BBOX1: variants seen among roughly 807,000 people sequenced by gnomAD.
BBOX1 encodes gamma-butyrobetaine dioxygenase.
Under a neutral mutation model 41.6 loss-of-function variants are expected in BBOX1, and 35 were observed. The ratio of observed to expected loss-of-function variants is 0.84; its 90% CI spans 0.64 to 1.11. The LOEUF (loss-of-function observed/expected upper bound fraction) is 1.11, where lower values mean the gene tolerates loss of function less well. Among genes scored for constraint, BBOX1 ranks in the 50% most tolerant of loss-of-function variants. The pLI is 0.00. For synonymous variants in BBOX1, 163 were observed against 154.7 expected (o/e 1.05, Z -0.40); for missense variants, 458 against 460.6 (o/e 0.99, Z 0.05).
intron 3 of BBOX1, 114 bp downstream of exon 3, chr11:27,055,763 A>C (rs1165125026): frequency 2.2e-6 from 2 of 920,082 alleles, no homozygotes; most frequent in African/African-American, 3.3e-5. Flanking sequence ...CCGCATATGA[A>C]CCCACGTTTG....
intron 5 of BBOX1, among the ~76,000 whole-genome samples, chr11:27,107,400 A>G (rs1351016614): frequency 1.3e-5 from 2 of 152,092 alleles, no homozygotes; most frequent in South Asian, 2.1e-4. Flanking sequence ...GGAAATACTT[A>G]TATTTGTTTA....
intron 5 of BBOX1, among the ~76,000 whole-genome samples, chr11:27,105,437 GT>G (rs1564982935): frequency 2.0e-5 from 3 of 152,062 alleles, no homozygotes; most frequent in African/African-American, 7.2e-5. Flanking sequence ...CGAGAACTAC[GT>G]GACGAATGCA....
chr11:27,057,955 C>A (rs932028928), intron 4 of BBOX1, among the ~76,000 whole-genome samples: 1 of 151,836 alleles, frequency 6.6e-6, no homozygotes, highest in Admixed American at 6.6e-5. Context: ...AGCAAAGAAG[C>A]AAAATAAATA....
chr11:27,099,503 G>A (rs1858566053), intron 5 of BBOX1, among the ~76,000 whole-genome samples: 1 of 151,976 alleles, frequency 6.6e-6, no homozygotes, highest in Non-Finnish European at 1.5e-5. Context: ...CTATATAACT[G>A]TTGAATAAAA....
chr11:27,106,145 T>C (rs1383192518), intron 5 of BBOX1, among the ~76,000 whole-genome samples: 1 of 151,840 alleles, frequency 6.6e-6, no homozygotes, highest in Non-Finnish European at 1.5e-5. Context: ...ACATGCACAA[T>C]TGTAAAGACC....
At chr11:27,072,687 T>G (rs1857495156) in intron 4 of BBOX1, among the ~76,000 whole-genome samples, 1 of 152,170 alleles carries the variant, frequency 6.6e-6, no homozygotes, top group African/African-American at 2.4e-5. Context: ...AAGGCTACAG[T>G]AACCAAAACA....
intron 4 of BBOX1, among the ~76,000 whole-genome samples, chr11:27,071,520 G>C (rs555266994): frequency 6.6e-6 from 1 of 152,106 alleles, no homozygotes. Flanking sequence ...GGTGGGAGGC[G>C]ATTGAATCAT....
intron 5 of BBOX1, among the ~76,000 whole-genome samples, chr11:27,096,284 C>T (rs766978291): frequency 2.5e-4 from 38 of 151,982 alleles, no homozygotes; most frequent in Non-Finnish European, 4.4e-4. Context: ...AATGTCCCTC[C>T]CTTTCATATC....
chr11:27,123,293 G>A (rs562855529), intron 7 of BBOX1, among the ~76,000 whole-genome samples: 2 of 151,948 alleles, frequency 1.3e-5, no homozygotes, highest in Admixed American at 6.6e-5. Flanking sequence ...TATACCATGA[G>A]GCATCCAATT....
intron 4 of BBOX1, among the ~76,000 whole-genome samples, chr11:27,082,263 C>A (rs544370444): frequency 6.6e-6 from 1 of 152,026 alleles, no homozygotes; most frequent in African/African-American, 2.4e-5. Context: ...CTGGAGCACA[C>A]AGAATTAGGG....
chr11:27,121,520 G>A (rs1257202883), intron 7 of BBOX1, among the ~76,000 whole-genome samples: 3 of 152,140 alleles, frequency 2.0e-5, no homozygotes, highest in African/African-American at 7.2e-5. Flanking sequence ...TAGCAATGGT[G>A]GTGCCTTGAA....
In BBOX1 at chr11:27,127,490, C is replaced by T. The variant is rs748460224; in HGVS notation, c.*37C>T. ...GATAATTTTAATAAGATTCCAATGA[C>T]CATATTTTGTGAGATATGGCACATT... On this transcript the variant is annotated 3_prime_UTR_variant, in exon 9 of 9. Transcript: ENST00000263182. 1 of 1,573,578 alleles carries T rather than the reference C, an allele frequency of 6.4e-7. No homozygotes were observed. Among genetic ancestry groups the T allele is most frequent in the South Asian group, 1.2e-5 (1 of 84,958 alleles).
In BBOX1 at chr11:27,055,452, G is replaced by A; in HGVS notation, c.22G>A (p.Ala8Thr). The change falls in exon 3 of 9, where the codon GCA becomes ACA. Residue 8 changes from alanine (A) to threonine (T), a missense_variant. Ala to Thr is a moderately conservative substitution (Grantham distance 58, BLOSUM62 0). Coordinates refer to ENST00000263182, the MANE Select transcript of BBOX1 (RefSeq NM_003986.3). ...AAACATGGCTTGTACCATCCAAAAG[G>A]CAGAAGCACTTGACGGGGCTCATTT... The part of the protein sequence containing the change: MACTIQK[A>T]EALDGAHLMQ... 6.2e-7 allele frequency: 1 copy of A among 1,613,826 alleles called. No homozygotes were observed. Among genetic ancestry groups the A allele is most frequent in the Non-Finnish European group, 8.5e-7 (1 of 1,180,038 alleles).
chr11:27,089,095 T>C (rs1858143449), intron 4 of BBOX1, among the ~76,000 whole-genome samples: 1 of 151,938 alleles, frequency 6.6e-6, no homozygotes, highest in African/African-American at 2.4e-5. Flanking sequence ...GGCTGGACAA[T>C]GATTCAAACC....
chr11:27,048,328 T>G lies in BBOX1; in HGVS notation c.-39+6850T>G, dbSNP rs529609228. Among the ~76,000 whole-genome samples, 32 of 152,236 alleles carry G rather than the reference T, an allele frequency of 2.1e-4. No individual in the cohort carries two copies. In the South Asian group the frequency reaches 6.6e-3, roughly 32 times the overall value. ...CTTCTATGAGTTTGGCATTTTTAGA[T>G]TCCATGTATAAGTGATATCATATTG... On this transcript the variant is annotated intron_variant, in intron 2 of 8. Transcript: ENST00000263182.
At chr11:27,077,805 G>C (rs1564967107) in intron 4 of BBOX1, among the ~76,000 whole-genome samples, 1 of 152,100 alleles carries the variant, frequency 6.6e-6, no homozygotes, top group Non-Finnish European at 1.5e-5. Flanking sequence ...TGGAGGGAAA[G>C]ATTATATAGA....
chr11:27,079,781 C>T (rs1431923689), intron 4 of BBOX1, among the ~76,000 whole-genome samples: 1 of 152,094 alleles, frequency 6.6e-6, no homozygotes, highest in Non-Finnish European at 1.5e-5. Context: ...TAATTCTGCT[C>T]CACATACAGC....
chr11:27,059,560 G>A (rs1857079690), intron 4 of BBOX1, among the ~76,000 whole-genome samples: 1 of 152,090 alleles, frequency 6.6e-6, no homozygotes, highest in South Asian at 2.1e-4. Context: ...CTCCATAATG[G>A]TAGATCCACC....
At chr11:27,114,471 A>G (rs993703311) in intron 5 of BBOX1, among the ~76,000 whole-genome samples, 4 of 151,846 alleles carry the variant, frequency 2.6e-5, no homozygotes, top group African/African-American at 9.7e-5. Context: ...AAATTAAAAG[A>G]CTCATACTTC....
Sources: gnomAD v4.1 joint callset for allele counts (sites outside exome capture counted in the v4.1 genomes callset) on GRCh38, gnomAD v4.1.1 for gene constraint, MANE v1.5 for transcripts, NCBI Gene and HGNC (gene_info 2026-07-23, HGNC 2026-07-21) for gene names.